Variants in IMMP2L observed in about 807,000 individuals in gnomAD.
IMMP2L encodes the protein inner mitochondrial membrane peptidase subunit 2, also known as mitochondrial inner membrane protease subunit 2.
A neutral mutation model predicts 19.3 loss-of-function variants in IMMP2L; 18 were observed. The ratio of observed to expected loss-of-function variants is 0.93; its 90% CI spans 0.64 to 1.38. The LOEUF (loss-of-function observed/expected upper bound fraction) is 1.38. IMMP2L is among the 40% of genes most tolerant of loss of function. The pLI is 0.00. For missense variants in IMMP2L, 233 were observed against 218.2 expected (o/e 1.07, Z -0.43); for synonymous variants, 76 against 73.0 (o/e 1.04, Z -0.21).
intron 3 of IMMP2L, among the ~76,000 whole-genome samples, chr7:111,471,059 G>T (rs1025162714): frequency 6.6e-6 from 1 of 151,888 alleles, no homozygotes; most frequent in Non-Finnish European, 1.5e-5. Flanking sequence ...CATTTGTATC[G>T]TGGCCATTGG....
intron 1 of IMMP2L, among the ~76,000 whole-genome samples, chr7:111,559,019 G>C (rs1791706745): frequency 6.6e-6 from 1 of 151,994 alleles, no homozygotes; most frequent in African/African-American, 2.4e-5. Flanking sequence ...AGAAACCTAT[G>C]GGAAATGTGC....
chr7:111,485,597 C>CA (rs71147477), intron 3 of IMMP2L, among the ~76,000 whole-genome samples: 2,743 of 50,572 alleles, frequency 0.054, 864 homozygotes, highest in African/African-American at 0.11. Flanking sequence ...GACTCTGTTT[C>CA]AAAAAAAAAA....
chr7:111,058,581 T>C (rs1385514558), intron 3 of IMMP2L, among the ~76,000 whole-genome samples: 1 of 152,214 alleles, frequency 6.6e-6, no homozygotes, highest in South Asian at 2.1e-4. Flanking sequence ...TGAATTGGGA[T>C]GATTAGAGAT....
At chr7:110,797,210 T>C (rs1800925158) in intron 5 of IMMP2L, among the ~76,000 whole-genome samples, 1 of 151,984 alleles carries the variant, frequency 6.6e-6, no homozygotes, top group Admixed American at 6.6e-5. Flanking sequence ...AAAAATGCTA[T>C]GAAATTTAAA....
chr7:111,461,261 T>A (rs907868423), intron 3 of IMMP2L, among the ~76,000 whole-genome samples: 1 of 152,174 alleles, frequency 6.6e-6, no homozygotes, highest in South Asian at 2.1e-4. Flanking sequence ...AAAGCCAATA[T>A]GGTATCTGGG....
At chr7:111,364,102 T>C (rs1264776293) in intron 3 of IMMP2L, among the ~76,000 whole-genome samples, 3 of 152,058 alleles carry the variant, frequency 2.0e-5, no homozygotes, top group African/African-American at 7.2e-5. Context: ...TTAAATAATA[T>C]ATTTATATCT....
At chr7:110,839,890 C>T (rs1317131896) in intron 5 of IMMP2L, among the ~76,000 whole-genome samples, 1 of 152,032 alleles carries the variant, frequency 6.6e-6, no homozygotes, top group Non-Finnish European at 1.5e-5. Context: ...ATATACTCTG[C>T]TTGCACACAT....
At chr7:111,295,571 G>T (rs939064668) in intron 3 of IMMP2L, among the ~76,000 whole-genome samples, 9 of 151,710 alleles carry the variant, frequency 5.9e-5, no homozygotes, top group Non-Finnish European at 1.2e-4. Context: ...AATATGAATT[G>T]GGAAGCCAGT....
At chr7:111,177,437 T>G (rs1300362059) in intron 3 of IMMP2L, among the ~76,000 whole-genome samples, 2 of 152,052 alleles carry the variant, frequency 1.3e-5, no homozygotes, top group Non-Finnish European at 1.5e-5. Flanking sequence ...TGCCTCAGGC[T>G]CCAAAAGTGT....
intron 3 of IMMP2L, among the ~76,000 whole-genome samples, chr7:111,219,389 A>ATAAGGCC (rs1812286188): frequency 6.6e-6 from 1 of 152,004 alleles, no homozygotes; most frequent in African/African-American, 2.4e-5. Context: ...ATCTCTGGAA[A>ATAAGGCC]TAAGGCCTAG....
At chr7:110,782,249 A>G (rs1023155974) in intron 5 of IMMP2L, among the ~76,000 whole-genome samples, 1 of 151,982 alleles carries the variant, frequency 6.6e-6, no homozygotes. Flanking sequence ...GGTAGATGGT[A>G]CAATTCCAAT....
At chr7:111,120,900 T>C (rs914603352) in intron 3 of IMMP2L, among the ~76,000 whole-genome samples, 6 of 152,094 alleles carry the variant, frequency 3.9e-5, no homozygotes, top group Non-Finnish European at 8.8e-5. Flanking sequence ...AACAGTATTA[T>C]TCATTTATTG....
chr7:111,425,434 C>T (rs1270852416), intron 3 of IMMP2L, among the ~76,000 whole-genome samples: 3 of 150,984 alleles, frequency 2.0e-5, no homozygotes, highest in Admixed American at 6.6e-5. Flanking sequence ...AAACTGTAAA[C>T]TATTCTTGAA....
At chr7:111,303,098 C>G (rs1216772429) in intron 3 of IMMP2L, among the ~76,000 whole-genome samples, 2 of 151,742 alleles carry the variant, frequency 1.3e-5, no homozygotes, top group African/African-American at 2.4e-5. Context: ...ATACCCAGGA[C>G]TCAAATGTTT....
intron 3 of IMMP2L, among the ~76,000 whole-genome samples, chr7:111,280,247 G>A (rs757252119): frequency 1.3e-5 from 2 of 151,916 alleles, no homozygotes; most frequent in African/African-American, 2.4e-5. Context: ...CCTATTCCCG[G>A]GACGTCACAT....
At chr7:111,443,196 TC>T (rs971885056) in intron 3 of IMMP2L, among the ~76,000 whole-genome samples, 1 of 151,820 alleles carries the variant, frequency 6.6e-6, no homozygotes, top group Admixed American at 6.6e-5. Flanking sequence ...AAAATAAAGC[TC>T]CAAAAAGGTA....
At chr7:111,419,842 T>C (rs979088605) in intron 3 of IMMP2L, among the ~76,000 whole-genome samples, 1 of 151,544 alleles carries the variant, frequency 6.6e-6, no homozygotes, top group Non-Finnish European at 1.5e-5. Context: ...AAAATGATAA[T>C]TTACTGCCCT....
chr7:111,144,422 T>C (rs1363352678), intron 3 of IMMP2L, among the ~76,000 whole-genome samples: 1 of 152,138 alleles, frequency 6.6e-6, no homozygotes, highest in Non-Finnish European at 1.5e-5. Flanking sequence ...GAGTCACATA[T>C]ATTTGGAGAG....
At chr7:111,239,219 A>C (rs970346109) in intron 3 of IMMP2L, among the ~76,000 whole-genome samples, 1 of 151,922 alleles carries the variant, frequency 6.6e-6, no homozygotes, top group South Asian at 2.1e-4. Flanking sequence ...GCTATGAGTA[A>C]CTACTACTTT....
Sources: allele counts gnomAD v4.1 joint callset (sites outside exome capture counted in the v4.1 genomes callset), GRCh38; gene constraint gnomAD v4.1.1; transcripts MANE v1.5; gene names NCBI Gene and HGNC (gene_info 2026-07-23, HGNC 2026-07-21).